The following GRIN2B variants were observed in gnomAD, a reference collection of about 807,000 sequenced individuals.
GRIN2B encodes glutamate receptor ionotropic, NMDA 2B.
In GRIN2B, 5 loss-of-function variants were observed where a neutral mutation model predicts 114.5. That is an observed-to-expected ratio of 0.04 (90% CI 0.02 to 0.09). GRIN2B has a LOEUF of 0.09. GRIN2B is among the 10% of genes least tolerant of loss of function. The pLI, the probability that GRIN2B is intolerant of heterozygous loss-of-function variation, is 1.00. For missense variants in GRIN2B, 1,108 were observed against 1,943.5 expected (o/e 0.57, Z 8.08); for synonymous variants, 787 against 745.1 (o/e 1.06, Z -0.92).
intron 10 of GRIN2B, among the ~76,000 whole-genome samples, chr12:13,576,824 G>A (rs2216211): frequency 0.37 from 55,675 of 152,108 alleles, 11,920 homozygotes; most frequent in Middle Eastern, 0.54. Flanking sequence ...AGGTGCTAGG[G>A]TTACAGGCGA....
chr12:13,772,692 C>A (rs145259506), intron 3 of GRIN2B, among the ~76,000 whole-genome samples: 92 of 152,196 alleles, frequency 6.0e-4, no homozygotes, highest in African/African-American at 1.9e-3. Flanking sequence ...AGAGGTAAGG[C>A]GGAAGTAAAA....
At chr12:13,966,538 G>A (rs780995514) in intron 2 of GRIN2B, among the ~76,000 whole-genome samples, 1 of 152,124 alleles carries the variant, frequency 6.6e-6, no homozygotes, top group Non-Finnish European at 1.5e-5. Context: ...CTAGAAACAT[G>A]GCACCTCGTG....
chr12:13,926,187 G>T (rs1866907687), intron 2 of GRIN2B, among the ~76,000 whole-genome samples: 1 of 152,118 alleles, frequency 6.6e-6, no homozygotes, highest in African/African-American at 2.4e-5. Flanking sequence ...TGTCGGAGAT[G>T]GACAGAATGA....
chr12:13,895,641 A>C (rs1486754365), intron 2 of GRIN2B, among the ~76,000 whole-genome samples: 1 of 152,202 alleles, frequency 6.6e-6, no homozygotes, highest in Admixed American at 6.5e-5. Context: ...CTCTCCAGAT[A>C]ATAAATATTT....
rs1425325795 is a variant in GRIN2B at position 13,547,979 on chromosome 12, A to ATTTTTTTTTTTTT, written c.*14803_*14804insAAAAAAAAAAAAA. 8.4e-5 allele frequency: 5 copies of ATTTTTTTTTTTTT among 59,554 alleles called. No individual in the cohort carries two copies. Among genetic ancestry groups the ATTTTTTTTTTTTT allele is most frequent in the Non-Finnish European group, 1.5e-4 (4 of 27,336 alleles). 3.7% of individuals were successfully genotyped at this position (59,554 alleles called of 1,614,324 possible). On this transcript the variant is annotated 3_prime_UTR_variant, in exon 14 of 14. Coordinates refer to ENST00000609686, the MANE Select transcript of GRIN2B (RefSeq NM_000834.5). ...TGTGTGTATATATATATATATATATATATTTTTTTTTTTTTTCTGAAAGCT... is the reference window on the plus strand; with the variant it reads ...TGTGTGTATATATATATATATATATATTTTTTTTTTTTTTATTTTTTTTTTTTTTCTGAAAGCT...
intron 2 of GRIN2B, among the ~76,000 whole-genome samples, chr12:13,938,238 A>G (rs1867163679): frequency 6.6e-6 from 1 of 152,156 alleles, no homozygotes; most frequent in African/African-American, 2.4e-5. Flanking sequence ...TAATTACATT[A>G]AATATAAATA....
intron 2 of GRIN2B, among the ~76,000 whole-genome samples, chr12:13,905,706 T>A (rs1037251494): frequency 1.3e-5 from 2 of 152,176 alleles, no homozygotes; most frequent in African/African-American, 4.8e-5. Context: ...CCGAGAACCA[T>A]CTCAAACTAA....
chr12:13,916,737 T>TGTG lies in GRIN2B; in HGVS notation c.-18-50512_-18-50511insCAC, dbSNP rs1555156758. On this transcript the variant is annotated intron_variant, in intron 2 of 13. Coordinates refer to ENST00000609686, the MANE Select transcript of GRIN2B (RefSeq NM_000834.5). ...TACACACACACACACACACACACATTTGTGTGTGTGTGTGTGTGTGTGTAT... is the reference window on the plus strand; with the variant it reads ...TACACACACACACACACACACACATTGTGTGTGTGTGTGTGTGTGTGTGTGTAT... Among the ~76,000 whole-genome samples the TGTG allele has an allele frequency of 8.6e-5, 12 of 139,942 alleles. No individual in the cohort carries two copies. In the East Asian group the frequency reaches 9.0e-4, roughly 10 times the overall value. The allele number at this position is 139,942 out of a possible 152,430, so 91.8% of individuals were successfully genotyped here. A position where few individuals can be genotyped will look rare whatever the true frequency, so the allele number is the denominator to read the frequency against.
At chr12:13,909,040 G>A (rs1302264436) in intron 2 of GRIN2B, among the ~76,000 whole-genome samples, 1 of 152,134 alleles carries the variant, frequency 6.6e-6, no homozygotes, top group African/African-American at 2.4e-5. Flanking sequence ...CTCGTACTCT[G>A]TAACAAACGC....
At chr12:13,890,944 C>T (rs1407354629) in intron 2 of GRIN2B, among the ~76,000 whole-genome samples, 2 of 152,176 alleles carry the variant, frequency 1.3e-5, no homozygotes, top group Non-Finnish European at 2.9e-5. Flanking sequence ...GTTTCCTCTG[C>T]AGATGAGGCC....
At chr12:13,776,706 G>A (rs7296696) in intron 3 of GRIN2B, among the ~76,000 whole-genome samples, 125,302 of 152,082 alleles carry the variant, frequency 0.82, 52,016 homozygotes, top group African/African-American at 0.92. Context: ...GGATTAGAGC[G>A]GAGACAAGAG....
chr12:13,922,802 G>T (rs1014295312), intron 2 of GRIN2B, among the ~76,000 whole-genome samples: 1 of 152,134 alleles, frequency 6.6e-6, no homozygotes. Context: ...CTCCTCCAGT[G>T]GATAAAATCT....
At position 13,561,043 on chromosome 12, in the gene GRIN2B, G is replaced by A. The variant is rs1484534229; in HGVS notation, c.*1740C>T. ...CACCCTGTGTAGGGGAGGATGGCAGGACAGTGGAACTGACCCATAGAATAA... is the reference window on the plus strand; with the variant it reads ...CACCCTGTGTAGGGGAGGATGGCAGAACAGTGGAACTGACCCATAGAATAA... On this transcript the variant is annotated 3_prime_UTR_variant, in exon 14 of 14. Transcript: ENST00000609686. The A allele has an allele frequency of 1.3e-5, 2 of 152,142 alleles. No homozygotes were observed. Among genetic ancestry groups the A allele is most frequent in the Non-Finnish European group, 2.9e-5 (2 of 68,036 alleles). 9.4% of individuals were successfully genotyped at this position (152,142 alleles called of 1,614,324 possible).
At chr12:13,907,632 T>C (rs907363335) in intron 2 of GRIN2B, among the ~76,000 whole-genome samples, 6 of 152,298 alleles carry the variant, frequency 3.9e-5, no homozygotes, top group Admixed American at 3.3e-4. Context: ...GGGAATGGTA[T>C]TGACTGGAAA....
chr12:13,648,057 C>A (rs532634608), intron 5 of GRIN2B, among the ~76,000 whole-genome samples: 67 of 152,098 alleles, frequency 4.4e-4, no homozygotes, highest in Non-Finnish European at 7.4e-4. Context: ...GCTGTTGGAC[C>A]AAATTGGACT....
intron 3 of GRIN2B, among the ~76,000 whole-genome samples, chr12:13,835,172 G>A (rs562019217): frequency 1.3e-5 from 2 of 152,254 alleles, no homozygotes; most frequent in African/African-American, 4.8e-5. Context: ...TAATCCTGAA[G>A]GAAAGGAACG....
chr12:13,825,532 G>GTT (rs1379949248), intron 3 of GRIN2B, among the ~76,000 whole-genome samples: 1 of 147,626 alleles, frequency 6.8e-6, no homozygotes, highest in African/African-American at 2.5e-5. Context: ...GTGTGTGTGT[G>GTT]TATGATGGAG....
Position 13,555,129 on chromosome 12 carries a change from G to A in GRIN2B, c.*7654C>T, listed in dbSNP as rs944739827. 3 of 152,138 alleles carry A rather than the reference G, an allele frequency of 2.0e-5. No individual in the cohort carries two copies. Among genetic ancestry groups the A allele is most frequent in the African/African-American group, 7.2e-5 (3 of 41,422 alleles). The allele number at this position is 152,138 out of a possible 1,614,324, so 9.4% of individuals were successfully genotyped here. On this transcript the variant is annotated 3_prime_UTR_variant, in exon 14 of 14. Coordinates refer to ENST00000609686, the MANE Select transcript of GRIN2B (RefSeq NM_000834.5). ...GAGGGTCAAGCTCAGATATACCATGGCAAGTCAATGCTAAGGAGATAAGAG... is the reference window on the plus strand; with the variant it reads ...GAGGGTCAAGCTCAGATATACCATGACAAGTCAATGCTAAGGAGATAAGAG...
chr12:13,805,077 G>T (rs771900705), intron 3 of GRIN2B, among the ~76,000 whole-genome samples: 6 of 152,132 alleles, frequency 3.9e-5, no homozygotes, highest in Non-Finnish European at 8.8e-5. Context: ...TTATTTAGAA[G>T]TCAATTTATT....
Sources: allele counts gnomAD v4.1 joint callset (sites outside exome capture counted in the v4.1 genomes callset), GRCh38; gene constraint gnomAD v4.1.1; transcripts MANE v1.5; gene names NCBI Gene and HGNC (gene_info 2026-07-23, HGNC 2026-07-21).